The following MCUB variants were observed in gnomAD, a reference collection of about 807,000 sequenced individuals.
MCUB encodes calcium uniporter regulatory subunit MCUb, mitochondrial.
Under a neutral mutation model 41.4 loss-of-function variants are expected in MCUB, and 46 were observed. The ratio of observed to expected loss-of-function variants is 1.11; its 90% CI spans 0.88 to 1.42. The LOEUF is 1.42. Among genes scored for constraint, MCUB ranks in the 40% most tolerant of loss-of-function variants. The pLI is 0.00. For synonymous variants in MCUB, 148 were observed against 148.2 expected (o/e 1.00, Z 0.01); for missense variants, 403 against 404.9 (o/e 1.00, Z 0.04).
chr4:109,666,603 G>T (rs917429097), intron 4 of MCUB, among the ~76,000 whole-genome samples: 1 of 152,144 alleles, frequency 6.6e-6, no homozygotes, highest in East Asian at 1.9e-4. Flanking sequence ...TTGTTGAGGT[G>T]TCTTTTCAGA....
At position 109,660,336 on chromosome 4, in the gene MCUB, G is replaced by T. The variant is rs761592489; in HGVS notation, c.317G>T (p.Gly106Val). ...FLQDLQNEDKGIKTAAIFTAD... is the reference protein window; with the variant it reads ...FLQDLQNEDKVIKTAAIFTAD... ...CAGGACCTACAAAATGAAGATAAGG[G>T]TATCAAAACTGCAGCCATCTTCACA... The change falls in exon 3 of 8, where the codon GGT becomes GTT. Residue 106 changes from glycine (G) to valine (V), a missense_variant. Coordinates refer to ENST00000394650, the MANE Select transcript of MCUB (RefSeq NM_017918.5). 1.9e-6 allele frequency: 3 copies of T among 1,607,796 alleles called. No homozygotes were observed. The highest frequency in any genetic ancestry group is 1.7e-5 in the Admixed American group (1 of 59,784).
chr4:109,599,016 A>T (rs948085393), intron 1 of MCUB, among the ~76,000 whole-genome samples: 1 of 152,196 alleles, frequency 6.6e-6, no homozygotes. Flanking sequence ...AAAAGTGTTG[A>T]ATGTCCTTGA....
intron 1 of MCUB, among the ~76,000 whole-genome samples, chr4:109,622,365 A>AT (rs1267210142): frequency 1.3e-5 from 2 of 152,180 alleles, no homozygotes; most frequent in Non-Finnish European, 2.9e-5. Flanking sequence ...TAAAGAAAAA[A>AT]TTTTTAATAA....
chr4:109,663,998 A>G (rs969307542), intron 3 of MCUB, among the ~76,000 whole-genome samples: 9 of 152,040 alleles, frequency 5.9e-5, no homozygotes, highest in Admixed American at 2.0e-4. Flanking sequence ...CCTTTGCATG[A>G]CTCTCCACAG....
At chr4:109,658,539 C>T (rs928897004) in intron 1 of MCUB, among the ~76,000 whole-genome samples, 25 of 152,236 alleles carry the variant, frequency 1.6e-4, no homozygotes, top group Admixed American at 1.4e-3. Flanking sequence ...TCAGGTGATT[C>T]GCCCACCTTG....
intron 4 of MCUB, among the ~76,000 whole-genome samples, chr4:109,676,841 A>G (rs1729585755): frequency 6.6e-6 from 1 of 152,274 alleles, no homozygotes; most frequent in Non-Finnish European, 1.5e-5. Flanking sequence ...CTTTAACTGC[A>G]TACAGTAAAA....
At position 109,688,708 on chromosome 4, in the gene MCUB, A is replaced by G. The variant is rs961921437; in HGVS notation, c.*1116A>G. The G allele has an allele frequency of 6.6e-6, 1 of 152,222 alleles. No homozygotes were observed. Among genetic ancestry groups the G allele is most frequent in the Non-Finnish European group, 1.5e-5 (1 of 68,030 alleles). 9.4% of individuals were successfully genotyped at this position (152,222 alleles called of 1,614,324 possible). ...TAAAAACATCAAACAATAAACTTTTATAAAAAAGTGACAAAATACAAGTTA... is the reference window on the plus strand; with the variant it reads ...TAAAAACATCAAACAATAAACTTTTGTAAAAAAGTGACAAAATACAAGTTA... On this transcript the variant is annotated 3_prime_UTR_variant, in exon 8 of 8. Transcript: ENST00000394650.
At chr4:109,648,060 TATTA>T (rs1728876342) in intron 1 of MCUB, among the ~76,000 whole-genome samples, 1 of 152,218 alleles carries the variant, frequency 6.6e-6, no homozygotes. Context: ...TGAAAAAGTT[TATTA>T]ATTATAAATA....
At chr4:109,598,329 C>T (rs556216575) in intron 1 of MCUB, among the ~76,000 whole-genome samples, 1 of 152,234 alleles carries the variant, frequency 6.6e-6, no homozygotes, top group South Asian at 2.1e-4. Context: ...GAACGAGACT[C>T]CGTCTGCAAT....
chr4:109,685,340 C>T lies in MCUB; in HGVS notation c.906C>T (p.Tyr302=). Residue 302 remains tyrosine (Y), a synonymous_variant, in exon 7 of 8, where the codon TAC becomes TAT. Coordinates refer to ENST00000394650, the MANE Select transcript of MCUB (RefSeq NM_017918.5). Reference sequence around the variant, plus strand: ...AACAGCACTTTGATGTGCAGCAATACAACAAGTTAAAAGAAGACCTTGCTA... The same window carrying T: ...AACAGCACTTTGATGTGCAGCAATATAACAAGTTAAAAGAAGACCTTGCTA... ...SKQQHFDVQQ[Y]NKLKEDLAKA... is the part of the protein sequence containing the mutation. 6.4e-7 allele frequency: 1 copy of T among 1,563,916 alleles called. No individual in the cohort carries two copies.
At chr4:109,668,150 T>C (rs1729384940) in intron 4 of MCUB, among the ~76,000 whole-genome samples, 1 of 152,168 alleles carries the variant, frequency 6.6e-6, no homozygotes, top group Non-Finnish European at 1.5e-5. Context: ...TTTATCTCAG[T>C]TGATTGGTGG....
At chr4:109,562,881 G>A (rs1726674348) in intron 1 of MCUB, among the ~76,000 whole-genome samples, 1 of 149,708 alleles carries the variant, frequency 6.7e-6, no homozygotes, top group African/African-American at 2.5e-5. Context: ...TGGGTGAGGG[G>A]AAAAAAAAAC....
chr4:109,565,710 G>A (rs925297316), intron 1 of MCUB, among the ~76,000 whole-genome samples: 5 of 152,076 alleles, frequency 3.3e-5, no homozygotes, highest in Admixed American at 3.3e-4. Flanking sequence ...AAGCTTTTAG[G>A]GTTCTGACGA....
At chr4:109,562,728 A>G (rs553584086) in intron 1 of MCUB, among the ~76,000 whole-genome samples, 126 of 152,348 alleles carry the variant, frequency 8.3e-4, no homozygotes, top group Non-Finnish European at 1.5e-3. Context: ...AGTATTTCAA[A>G]TAAGCGTTCC....
chr4:109,589,158 G>T (rs1462122928), intron 1 of MCUB, among the ~76,000 whole-genome samples: 1 of 152,218 alleles, frequency 6.6e-6, no homozygotes, highest in African/African-American at 2.4e-5. Flanking sequence ...TCTTTGTAAG[G>T]TAGAACCTGA....
intron 1 of MCUB, among the ~76,000 whole-genome samples, chr4:109,586,782 G>T (rs1457843431): frequency 6.6e-6 from 1 of 152,212 alleles, no homozygotes; most frequent in African/African-American, 2.4e-5. Flanking sequence ...ATCACTAGCA[G>T]AGGCTGCAGA....
rs201083400 is a variant in MCUB at position 109,684,642 on chromosome 4, G to C, written c.812G>C (p.Arg271Pro). 10 of 1,409,064 alleles carry C rather than the reference G, an allele frequency of 7.1e-6. No individual in the cohort carries two copies. In the South Asian group the frequency reaches 1.1e-4, roughly 15 times the overall value. 87.3% of individuals were successfully genotyped at this position (1,409,064 alleles called of 1,614,324 possible). A position where few individuals can be genotyped will look rare whatever the true frequency, so the allele number is the denominator to read the frequency against. ...MVFFAYFIVT[R>P]QDYTYSAVKS... ...TTTTTTGCATACTTTATAGTCACTC[G>C]ACAGGTGAGTAGTTTGTTAGGAAAA... Residue 271 changes from arginine (R) to proline (P), a missense_variant, in exon 6 of 8, where the codon CGA becomes CCA. By Grantham distance (103) the Arg-to-Pro change is moderately radical. Transcript: ENST00000394650.
chr4:109,662,808 G>A (rs1166924471), intron 3 of MCUB, among the ~76,000 whole-genome samples: 3 of 152,106 alleles, frequency 2.0e-5, no homozygotes, highest in Non-Finnish European at 4.4e-5. Flanking sequence ...AGCGATTGGT[G>A]TGTTGCTGAT....
chr4:109,660,440 T>C (rs1729205583), intron 3 of MCUB, 75 bp downstream of exon 3: 1 of 722,944 alleles, frequency 1.4e-6, no homozygotes, highest in African/African-American at 1.8e-5. Flanking sequence ...GTTCTTTACT[T>C]TTCTAGAAGT....
Sources: allele counts gnomAD v4.1 joint callset (sites outside exome capture counted in the v4.1 genomes callset), GRCh38; gene constraint gnomAD v4.1.1; transcripts MANE v1.5; gene names NCBI Gene and HGNC (gene_info 2026-07-23, HGNC 2026-07-21).